Variants in CLSTN1 observed in about 807,000 individuals in gnomAD.
CLSTN1 encodes calsyntenin 1, also known as calsyntenin-1.
CLSTN1 carries 28 observed loss-of-function variants against 108.3 expected under a neutral mutation model. The observed-to-expected ratio is 0.26, with a 90% CI of 0.19 to 0.35. The LOEUF (loss-of-function observed/expected upper bound fraction) is 0.35, where lower values mean the gene tolerates loss of function less well. Ranked by LOEUF, CLSTN1 falls within the 10% of genes least tolerant of loss-of-function variation. The pLI, the probability that CLSTN1 is intolerant of heterozygous loss-of-function variation, is 1.00. For synonymous variants in CLSTN1, 524 were observed against 534.9 expected (o/e 0.98, Z 0.28); for missense variants, 1,157 against 1,302.6 (o/e 0.89, Z 1.72).
chr1:9,749,978 G>C (rs1485420421), intron 5 of CLSTN1, 65 bp from the exon 6 acceptor site: 2 of 1,404,048 alleles, frequency 1.4e-6, no homozygotes, highest in African/African-American at 2.9e-5. Context: ...TGTTGTCCTA[G>C]GCGGAAAGAC....
At chr1:9,731,513 G>T in intron 17 of CLSTN1, 123 bp from the exon 18 acceptor site, 1 of 1,128,218 alleles carries the variant, frequency 8.9e-7, no homozygotes, top group Non-Finnish European at 1.3e-6. Flanking sequence ...GAACCCACAG[G>T]CCAGGAGGAA....
chr1:9,771,187 A>C (rs937012818), intron 2 of CLSTN1, among the ~76,000 whole-genome samples: 1 of 152,186 alleles, frequency 6.6e-6, no homozygotes, highest in Non-Finnish European at 1.5e-5. Context: ...AAAACTGCTC[A>C]AAAACATAAA....
At chr1:9,785,689 C>T (rs1557714287) in intron 1 of CLSTN1, among the ~76,000 whole-genome samples, 1 of 152,166 alleles carries the variant, frequency 6.6e-6, no homozygotes, top group Non-Finnish European at 1.5e-5. Flanking sequence ...GAACCACTGA[C>T]TGACATCCAC....
intron 1 of CLSTN1, among the ~76,000 whole-genome samples, chr1:9,776,043 G>A (rs1376150549): frequency 1.3e-5 from 2 of 150,800 alleles, no homozygotes; most frequent in African/African-American, 2.4e-5. Context: ...CGCGATCTCA[G>A]CTCACTGCAA....
At chr1:9,748,178 A>G (rs1651373365) in intron 7 of CLSTN1, among the ~76,000 whole-genome samples, 1 of 152,186 alleles carries the variant, frequency 6.6e-6, no homozygotes, top group Non-Finnish European at 1.5e-5. Context: ...AGACCCTTCC[A>G]ATTTATGAAG....
At chr1:9,811,570 C>G (rs1172358736) in intron 1 of CLSTN1, among the ~76,000 whole-genome samples, 2 of 147,520 alleles carry the variant, frequency 1.4e-5, no homozygotes, top group Non-Finnish European at 3.0e-5. Context: ...AACTGAGGGG[C>G]TCAAAAACTC....
intron 1 of CLSTN1, among the ~76,000 whole-genome samples, chr1:9,786,173 A>G (rs1324338415): frequency 6.6e-6 from 1 of 151,828 alleles, no homozygotes; most frequent in Non-Finnish European, 1.5e-5. Context: ...TGGGTGACAG[A>G]GCGAGACCTG....
At chr1:9,792,037 T>C (rs1207395437) in intron 1 of CLSTN1, among the ~76,000 whole-genome samples, 1 of 150,754 alleles carries the variant, frequency 6.6e-6, no homozygotes, top group Non-Finnish European at 1.5e-5. Context: ...TAATCCCAGC[T>C]ACTCGGGAGG....
chr1:9,776,344 G>T (rs1401999840), intron 1 of CLSTN1, among the ~76,000 whole-genome samples: 1 of 152,086 alleles, frequency 6.6e-6, no homozygotes, highest in Admixed American at 6.6e-5. Flanking sequence ...AAATCCTTCT[G>T]GCTTCACTTC....
At chr1:9,745,998 G>T (rs936114070) in intron 7 of CLSTN1, among the ~76,000 whole-genome samples, 15 of 151,842 alleles carry the variant, frequency 9.9e-5, no homozygotes, top group African/African-American at 3.4e-4. Context: ...CAACTACTGG[G>T]CTCAAGCGAT....
chr1:9,731,643 T>A, intron 17 of CLSTN1, 118 bp downstream of exon 17: 1 of 1,070,688 alleles, frequency 9.3e-7, no homozygotes, highest in Non-Finnish European at 1.4e-6. Context: ...TGATGGGGAA[T>A]AATTGGGACA....
intron 7 of CLSTN1, among the ~76,000 whole-genome samples, chr1:9,748,780 T>A (rs1487626813): frequency 6.6e-6 from 1 of 151,322 alleles, no homozygotes; most frequent in East Asian, 2.0e-4. Flanking sequence ...TGAGCCCCCA[T>A]GCCCTGGCCT....
intron 9 of CLSTN1, among the ~76,000 whole-genome samples, chr1:9,742,265 T>C (rs1408458822): frequency 6.6e-6 from 1 of 152,176 alleles, no homozygotes; most frequent in Non-Finnish European, 1.5e-5. Context: ...GTCTATGAGA[T>C]ACATCATGAC....
In CLSTN1 at chr1:9,730,466, A is replaced by C; in HGVS notation, c.*42T>G. ...TGGGACTGGGAGAACGGATGGCAGC[A>C]GAGTCTTCGAAAGCAGAAACCGAGG... is the stretch of plus-strand genomic sequence containing the variant. On this transcript the variant is annotated 3_prime_UTR_variant, in exon 19 of 19. Coordinates refer to ENST00000377298, the MANE Select transcript of CLSTN1 (RefSeq NM_001009566.3). The surrounding 1 kb of genome is among the most constrained non-coding windows in gnomAD (Gnocchi z 5.6). The C allele has an allele frequency of 6.4e-7, 1 of 1,560,000 alleles. No homozygotes were observed. The highest frequency in any genetic ancestry group is 8.7e-7 in the Non-Finnish European group (1 of 1,145,052).
At chr1:9,781,236 G>T in intron 1 of CLSTN1, 3 of 764,998 alleles carry the variant, frequency 3.9e-6, no homozygotes, top group African/African-American at 1.7e-5. Flanking sequence ...AATATGACAA[G>T]CTGATTTTCT....
chr1:9,802,201 T>C (rs1440121589), intron 1 of CLSTN1, among the ~76,000 whole-genome samples: 1 of 152,178 alleles, frequency 6.6e-6, no homozygotes, highest in Non-Finnish European at 1.5e-5. Flanking sequence ...TCCACTATGC[T>C]CTTGCAGTGA....
intron 1 of CLSTN1, among the ~76,000 whole-genome samples, chr1:9,819,633 A>G (rs1166782270): frequency 6.6e-6 from 1 of 152,224 alleles, no homozygotes; most frequent in Non-Finnish European, 1.5e-5. Flanking sequence ...CTCCCAAAAG[A>G]AATATCCAGC....
intron 1 of CLSTN1, among the ~76,000 whole-genome samples, chr1:9,819,614 A>C (rs1048694108): frequency 6.6e-6 from 1 of 152,186 alleles, no homozygotes; most frequent in Non-Finnish European, 1.5e-5. Context: ...GCTTGGTTTC[A>C]TGCTTTTTCT....
intron 10 of CLSTN1, 92 bp downstream of exon 10, chr1:9,741,002 C>T: frequency 7.2e-7 from 1 of 1,380,264 alleles, no homozygotes. Context: ...GAGGGTAAGG[C>T]TGTAGGATAC....
Sources: gnomAD v4.1 joint callset for allele counts (sites outside exome capture counted in the v4.1 genomes callset) on GRCh38, gnomAD v4.1.1 for gene constraint, Gnocchi (gnomAD v3.1) non-coding constraint, MANE v1.5 for transcripts, NCBI Gene and HGNC (gene_info 2026-07-23, HGNC 2026-07-21) for gene names.